The following RGS6 variants were observed in gnomAD, a reference collection of about 807,000 sequenced individuals.
RGS6 encodes the protein regulator of G protein signaling 6, also known as regulator of G-protein signaling 6.
Under a neutral mutation model 78.5 loss-of-function variants are expected in RGS6, and 30 were observed. The ratio of observed to expected loss-of-function variants is 0.38; its 90% CI spans 0.29 to 0.52. The LOEUF is 0.52. Among genes scored for constraint, RGS6 ranks in the 20% least tolerant of loss-of-function variants. The pLI is 0.85. For missense variants in RGS6, 495 were observed against 609.7 expected (o/e 0.81, Z 1.98); for synonymous variants, 206 against 206.0 (o/e 1.00, Z 0.00).
At chr14:72,067,483 A>T (rs1301640105) in intron 2 of RGS6, among the ~76,000 whole-genome samples, 4 of 152,138 alleles carry the variant, frequency 2.6e-5, no homozygotes, top group Non-Finnish European at 4.4e-5. Context: ...GTAAAATTTA[A>T]AAAAAGATTT....
At chr14:72,094,162 T>C (rs1165432574) in intron 2 of RGS6, among the ~76,000 whole-genome samples, 3 of 152,242 alleles carry the variant, frequency 2.0e-5, no homozygotes, top group East Asian at 1.9e-4. Flanking sequence ...GTGCTTTCTT[T>C]ATCGAACAAT....
At chr14:71,971,830 G>A (rs187198820) in intron 2 of RGS6, among the ~76,000 whole-genome samples, 14 of 150,804 alleles carry the variant, frequency 9.3e-5, no homozygotes, top group African/African-American at 1.7e-4. Context: ...TCGGTTCTTC[G>A]TTGGCTGTTT....
chr14:72,204,251 T>C (rs1567461802), intron 2 of RGS6, among the ~76,000 whole-genome samples: 2 of 152,210 alleles, frequency 1.3e-5, no homozygotes, highest in African/African-American at 2.4e-5. Context: ...CTACAGTGTT[T>C]TTGCAACCTA....
At chr14:72,053,081 C>CTTCCTTCCTTCT (rs1567107575) in intron 2 of RGS6, among the ~76,000 whole-genome samples, 6 of 24,426 alleles carry the variant, frequency 2.5e-4, no homozygotes, top group African/African-American at 7.9e-4. Flanking sequence ...CCCTCCCTCC[C>CTTCCTTCCTTCT]TTCCTTCCTT....
chr14:71,899,157 C>G, the RGS6 span, among the ~76,000 whole-genome samples: 1 of 152,096 alleles, frequency 6.6e-6, no homozygotes, highest in Non-Finnish European at 1.5e-5. Context: ...TATTTAAAAA[C>G]CACACAGGTT....
intron 5 of RGS6, 148 bp downstream of exon 5, chr14:72,458,525 T>C (rs749443512): frequency 1.6e-6 from 1 of 628,668 alleles, no homozygotes; most frequent in Non-Finnish European, 2.8e-6. Context: ...AACTTTTCTC[T>C]GGGCCACTGG....
In RGS6 at chr14:72,352,898, A is replaced by C. The variant is rs2079400014; in HGVS notation, c.184+704A>C. ...ACTACCTAGGTATGTATCTTTTGCT[A>C]TCCAAACAAGTAACCAAATAAATTA... On this transcript the variant is annotated intron_variant, in intron 3 of 17. Coordinates refer to ENST00000553525, the MANE Select transcript of RGS6 (RefSeq NM_001204424.2). 2.0e-5 allele frequency among the ~76,000 whole-genome samples: 3 copies of C among 152,188 alleles called. No homozygotes were observed. The South Asian group carries it at 6.2e-4, about 32-fold the overall frequency.
chr14:72,073,059 C>T (rs1040358294), intron 2 of RGS6, among the ~76,000 whole-genome samples: 1 of 152,190 alleles, frequency 6.6e-6, no homozygotes, highest in African/African-American at 2.4e-5. Flanking sequence ...GTGCCACATT[C>T]AGATTGGTGG....
At chr14:72,520,117 A>G (rs2097014130) in intron 15 of RGS6, among the ~76,000 whole-genome samples, 1 of 152,130 alleles carries the variant, frequency 6.6e-6, no homozygotes. Context: ...CAAATCCAAG[A>G]TGTTGCATCA....
chr14:71,984,967 G>C (rs550432048), intron 2 of RGS6, among the ~76,000 whole-genome samples: 186 of 152,102 alleles, frequency 1.2e-3, no homozygotes, highest in African/African-American at 4.1e-3. Context: ...TTAACATTTT[G>C]GTCTCTTCCT....
the RGS6 span, among the ~76,000 whole-genome samples, chr14:71,879,397 A>G: frequency 1.3e-5 from 2 of 152,232 alleles, no homozygotes; most frequent in African/African-American, 2.4e-5. Context: ...CAACTATAAT[A>G]TGAGCAAGAT....
At chr14:72,381,364 G>C (rs79613217) in intron 3 of RGS6, among the ~76,000 whole-genome samples, 3,164 of 152,068 alleles carry the variant, frequency 0.021, 54 homozygotes, top group African/African-American at 0.048. Context: ...ACTCCAATCT[G>C]ATCACTATGC....
rs143743520 is a variant in RGS6, at chr14:72,180,716, G to A, written c.85-171379G>A. On this transcript the variant is annotated intron_variant, in intron 2 of 17. Coordinates refer to ENST00000553525, the MANE Select transcript of RGS6 (RefSeq NM_001204424.2). ...GTTGCCTTTGCAGTAGTGTTGAGAC[G>A]TGGGGCCCTTGGGAGGTGATTGAAT... is the stretch of plus-strand genomic sequence containing the variant. Among the ~76,000 whole-genome samples, 10 of 152,324 alleles carry A rather than the reference G, an allele frequency of 6.6e-5. No individual in the cohort carries two copies. In the South Asian group the frequency reaches 8.3e-4, roughly 13 times the overall value.
intron 2 of RGS6, among the ~76,000 whole-genome samples, chr14:72,110,842 T>G (rs17179644): frequency 0.19 from 28,597 of 152,058 alleles, 3,460 homozygotes; most frequent in Non-Finnish European, 0.26. Context: ...TTGCCCACAC[T>G]CTGCTAATGA....
At chr14:72,458,566 T>C (rs1171365509) in intron 5 of RGS6, among the ~76,000 whole-genome samples, 189 bp downstream of exon 5, 1 of 152,214 alleles carries the variant, frequency 6.6e-6, no homozygotes, top group Non-Finnish European at 1.5e-5. Context: ...TAAAAGGCTG[T>C]CATTGAGAGC....
intron 2 of RGS6, among the ~76,000 whole-genome samples, chr14:71,969,021 G>A (rs2093668955): frequency 6.6e-6 from 1 of 152,090 alleles, no homozygotes; most frequent in Non-Finnish European, 1.5e-5. Context: ...TCCCCTTCCT[G>A]TGTCCAAGTG....
chr14:72,410,391 C>G (rs2093320102), intron 3 of RGS6, among the ~76,000 whole-genome samples: 1 of 152,138 alleles, frequency 6.6e-6, no homozygotes, highest in South Asian at 2.1e-4. Context: ...TGTTCATATC[C>G]TTTGCCCACT....
rs531550841 is a variant in RGS6, at chr14:72,342,653, A to G, written c.85-9442A>G. 9.6e-5 allele frequency among the ~76,000 whole-genome samples: 14 copies of G among 145,960 alleles called. No individual in the cohort carries two copies. In the South Asian group the frequency reaches 2.7e-3, roughly 28 times the overall value. Reference sequence around the variant, plus strand: ...GCTGAGGTGGGAGAATTGCTTGTACATGGGAGGTGAAAGTTGCAGTGAGCC... The same window carrying G: ...GCTGAGGTGGGAGAATTGCTTGTACGTGGGAGGTGAAAGTTGCAGTGAGCC... On this transcript the variant is annotated intron_variant, in intron 2 of 17. Coordinates refer to ENST00000553525, the MANE Select transcript of RGS6 (RefSeq NM_001204424.2).
At chr14:71,959,776 AG>A (rs1038448728) in intron 1 of RGS6, among the ~76,000 whole-genome samples, 5 of 152,164 alleles carry the variant, frequency 3.3e-5, no homozygotes, top group Non-Finnish European at 5.9e-5. Context: ...GCTTAGAACA[AG>A]GTCACTGGTC....
Sources: allele counts gnomAD v4.1 joint callset (sites outside exome capture counted in the v4.1 genomes callset), GRCh38; gene constraint gnomAD v4.1.1; transcripts MANE v1.5; gene names NCBI Gene and HGNC (gene_info 2026-07-23, HGNC 2026-07-21).